THSD4: variants seen among roughly 807,000 people sequenced by gnomAD.
THSD4 encodes thrombospondin type-1 domain-containing protein 4.
A neutral mutation model predicts 119.0 loss-of-function variants in THSD4; 69 were observed. That is an observed-to-expected ratio of 0.58 (90% CI 0.48 to 0.71). The LOEUF (loss-of-function observed/expected upper bound fraction) is 0.71, where lower values mean the gene tolerates loss of function less well. THSD4 is among the 30% of genes least tolerant of loss of function. The pLI is 0.00. For missense variants in THSD4, 1,393 were observed against 1,391.1 expected, an observed-to-expected ratio of 1.00 and a Z score of -0.02; for synonymous variants, 524 against 540.4, an observed-to-expected ratio of 0.97 and a Z score of 0.42.
At chr15:71,748,041 C>T (rs922737857) in intron 13 of THSD4, among the ~76,000 whole-genome samples, 11 of 152,128 alleles carry the variant, frequency 7.2e-5, no homozygotes, top group Admixed American at 3.9e-4. Flanking sequence ...TCTCCCTTAA[C>T]ATCAGTGCTG....
chr15:71,525,633 A>C (rs2140798435), intron 7 of THSD4, among the ~76,000 whole-genome samples: 1 of 152,326 alleles, frequency 6.6e-6, no homozygotes, highest in Middle Eastern at 3.4e-3. Context: ...GTTAGAAATA[A>C]CTGACTTTTG....
chr15:71,704,461 C>T (rs1379339219), intron 8 of THSD4, among the ~76,000 whole-genome samples: 2 of 152,212 alleles, frequency 1.3e-5, no homozygotes, highest in Non-Finnish European at 2.9e-5. Flanking sequence ...CACATGCTCT[C>T]TTGCCTGCCA....
At chr15:71,247,954 T>C (rs1013967104) in intron 5 of THSD4, among the ~76,000 whole-genome samples, 2 of 152,158 alleles carry the variant, frequency 1.3e-5, no homozygotes, top group African/African-American at 2.4e-5. Flanking sequence ...GGAGATGCAG[T>C]TGAAAAAGAA....
chr15:71,224,983 G>T (rs2044003598), intron 4 of THSD4, among the ~76,000 whole-genome samples: 1 of 152,140 alleles, frequency 6.6e-6, no homozygotes, highest in African/African-American at 2.4e-5. Context: ...TTGGAAGGGA[G>T]GGGGGACATT....
intron 7 of THSD4, among the ~76,000 whole-genome samples, chr15:71,515,827 A>G (rs1478153809): frequency 6.6e-6 from 1 of 152,126 alleles, no homozygotes; most frequent in African/African-American, 2.4e-5. Flanking sequence ...CCATTGCCGG[A>G]AAGTGGGTGT....
chr15:71,111,304 C>T (rs770443131), upstream of THSD4: 4 of 1,613,872 alleles, frequency 2.5e-6, no homozygotes, highest in Admixed American at 1.7e-5. Flanking sequence ...CCATTTTGCT[C>T]ATGTCCTCAG....
chr15:71,622,171 C>T (rs941313615), intron 7 of THSD4, among the ~76,000 whole-genome samples: 19 of 151,936 alleles, frequency 1.3e-4, no homozygotes, highest in Non-Finnish European at 2.9e-5. Context: ...ATAGAAATCT[C>T]GATTTATCAC....
At chr15:71,580,108 C>T (rs900955543) in intron 7 of THSD4, among the ~76,000 whole-genome samples, 23 of 152,104 alleles carry the variant, frequency 1.5e-4, no homozygotes, top group African/African-American at 5.3e-4. Flanking sequence ...TTGTACACAG[C>T]AGGCAGTAAG....
intron 8 of THSD4, among the ~76,000 whole-genome samples, chr15:71,702,061 C>T (rs916774554): frequency 1.3e-5 from 2 of 152,206 alleles, no homozygotes; most frequent in African/African-American, 4.8e-5. Context: ...GTATTCTGAA[C>T]TGACAGTCTT....
At chr15:71,758,582 A>C (rs1362184954) in intron 15 of THSD4, among the ~76,000 whole-genome samples, 1 of 152,246 alleles carries the variant, frequency 6.6e-6, no homozygotes, top group African/African-American at 2.4e-5. Flanking sequence ...TGAATACTTT[A>C]ATAATTGATG....
At chr15:71,321,934 G>A (rs2045274569) in intron 6 of THSD4, among the ~76,000 whole-genome samples, 1 of 151,074 alleles carries the variant, frequency 6.6e-6, no homozygotes, top group African/African-American at 2.4e-5. Flanking sequence ...ACAAATAAAA[G>A]CCAGAGTCAA....
chr15:71,607,236 G>C (rs913499572), intron 7 of THSD4, among the ~76,000 whole-genome samples: 4 of 152,258 alleles, frequency 2.6e-5, no homozygotes, highest in African/African-American at 7.2e-5. Context: ...TCCAGAGGTT[G>C]GGGAAAGACA....
At chr15:71,111,394 G>T, upstream of THSD4, 1 of 1,612,102 alleles carries the variant, frequency 6.2e-7, no homozygotes, top group South Asian at 1.1e-5. Context: ...AAGGGCACAG[G>T]AACTCAGACT....
intron 7 of THSD4, among the ~76,000 whole-genome samples, chr15:71,425,021 G>A (rs1430936812): frequency 6.6e-6 from 1 of 151,922 alleles, no homozygotes; most frequent in Non-Finnish European, 1.5e-5. Context: ...CCATCCCCCC[G>A]AAAAAAGTGT....
At chr15:71,628,544 G>A (rs951522229) in intron 7 of THSD4, among the ~76,000 whole-genome samples, 10 of 152,156 alleles carry the variant, frequency 6.6e-5, no homozygotes, top group African/African-American at 1.9e-4. Flanking sequence ...ACGCATACAC[G>A]AGTCCCCTTG....
intron 3 of THSD4, among the ~76,000 whole-genome samples, chr15:71,178,076 G>T (rs911704765): frequency 1.8e-5 from 1 of 56,350 alleles, no homozygotes; most frequent in African/African-American, 6.5e-5. Context: ...TTGAAAACTG[G>T]CACAAGACAG....
At chr15:71,192,045 G>A (rs2043676513) in intron 3 of THSD4, among the ~76,000 whole-genome samples, 1 of 151,622 alleles carries the variant, frequency 6.6e-6, no homozygotes, top group African/African-American at 2.4e-5. Flanking sequence ...TGGGATTACA[G>A]GTGCCCACCA....
intron 8 of THSD4, among the ~76,000 whole-genome samples, chr15:71,721,971 T>C (rs2052731386): frequency 1.8e-5 from 2 of 110,288 alleles, no homozygotes; most frequent in African/African-American, 5.0e-5. Context: ...AGTGAGTCCC[T>C]GTCTCAAAAA....
At chr15:71,665,490 T>A (rs940770902) in intron 8 of THSD4, among the ~76,000 whole-genome samples, 9 of 152,232 alleles carry the variant, frequency 5.9e-5, no homozygotes, top group South Asian at 2.1e-4. Flanking sequence ...GTGCAGATGC[T>A]CTTAAGTTTA....
Sources: gnomAD v4.1 joint callset for allele counts (sites outside exome capture counted in the v4.1 genomes callset) on GRCh38, gnomAD v4.1.1 for gene constraint, MANE v1.5 for transcripts, NCBI Gene and HGNC (gene_info 2026-07-23, HGNC 2026-07-21) for gene names.